FAAH2: variants seen among roughly 807,000 people sequenced by gnomAD.
FAAH2 encodes the protein fatty-acid amide hydrolase 2.
In FAAH2, 60 loss-of-function variants were observed where a neutral mutation model predicts 36.9. The ratio of observed to expected loss-of-function variants is 1.63; its 90% CI spans 1.32 to 2.02. The LOEUF is 2.02. FAAH2 is among the 30% of genes most tolerant of loss of function. FAAH2 has a pLI of 0.00. For missense variants in FAAH2, 689 were observed against 397.5 expected (o/e 1.73, Z -6.23); for synonymous variants, 214 against 143.8 (o/e 1.49, Z -3.49).
chrX:57,415,667 A>G (rs1315684338), intron 7 of FAAH2, among the ~76,000 whole-genome samples: 1 of 111,400 alleles, frequency 9.0e-6, no homozygotes, highest in Non-Finnish European at 1.9e-5. Context: ...TTTTAGAATA[A>G]GTGTCCTGTG....
chrX:57,440,366 G>A (rs1209193739), intron 8 of FAAH2, among the ~76,000 whole-genome samples: 1 of 111,077 alleles, frequency 9.0e-6, no homozygotes, highest in Non-Finnish European at 1.9e-5. Flanking sequence ...TGAAACAATT[G>A]TAAATGGGAA....
intron 7 of FAAH2, chrX:57,381,471 G>A: frequency 1.9e-6 from 1 of 534,171 alleles, no homozygotes; most frequent in Non-Finnish European, 2.3e-6. Flanking sequence ...ATTTGGGAAA[G>A]AAGAATAATA....
At chrX:57,290,434 C>G in intron 1 of FAAH2, 1 of 231,413 alleles carries the variant, frequency 4.3e-6, no homozygotes, top group East Asian at 2.4e-4. Context: ...CTACTAGACG[C>G]ATAATTCTAA....
At chrX:57,487,789 C>T (rs1413956561) in intron 10 of FAAH2, among the ~76,000 whole-genome samples, 1 of 111,544 alleles carries the variant, frequency 9.0e-6, no homozygotes, top group Non-Finnish European at 1.9e-5. Flanking sequence ...TATATATGCT[C>T]AAGAAATGAA....
At chrX:57,207,290 T>A in the FAAH2 span, among the ~76,000 whole-genome samples, 4 of 111,392 alleles carry the variant, frequency 3.6e-5, no homozygotes, top group Non-Finnish European at 5.6e-5. Flanking sequence ...AGGTTGTCCA[T>A]CAGGCCCTTC....
rs187533465 is a variant in FAAH2 at position 57,396,067 on chromosome X, T to G, written c.996+15038T>G. On this transcript the variant is annotated intron_variant, in intron 7 of 10. Transcript: ENST00000374900. ...TTTCCATTTCTTTCTGGTTCAATCTTGGGAGGTTGTATGTGTCCAGGAAGT... is the reference window on the plus strand; with the variant it reads ...TTTCCATTTCTTTCTGGTTCAATCTGGGGAGGTTGTATGTGTCCAGGAAGT... Among the ~76,000 whole-genome samples, 19 of 111,945 alleles carry G rather than the reference T, an allele frequency of 1.7e-4. 1 individual carries two copies. Among genetic ancestry groups the G allele is most frequent in the African/African-American group, 6.1e-4 (19 of 30,899 alleles).
In FAAH2 at chrX:57,367,853, C is replaced by T. The variant is rs769601516; in HGVS notation, c.743-10798C>T. Reference sequence around the variant, plus strand: ...TGCTGAGCCAAGTTTGGAAAGCTGCCAGGATTTCACACAGCTGCATTGTTA... The same window carrying T: ...TGCTGAGCCAAGTTTGGAAAGCTGCTAGGATTTCACACAGCTGCATTGTTA... On this transcript the variant is annotated intron_variant, in intron 5 of 10. Transcript: ENST00000374900. Among the ~76,000 whole-genome samples the T allele has an allele frequency of 2.7e-5, 3 of 111,847 alleles. No homozygotes were observed. In the South Asian group the frequency reaches 1.1e-3, roughly 42 times the overall value.
At chrX:57,149,216 C>A in the FAAH2 span, among the ~76,000 whole-genome samples, 6 of 110,394 alleles carry the variant, frequency 5.4e-5, no homozygotes, top group Non-Finnish European at 7.6e-5. Flanking sequence ...GTCTACAATT[C>A]TCTTTTTTGG....
At chrX:57,483,573 C>A (rs1175559215) in intron 10 of FAAH2, among the ~76,000 whole-genome samples, 1 of 110,348 alleles carries the variant, frequency 9.1e-6, no homozygotes, top group Non-Finnish European at 1.9e-5. Flanking sequence ...GTTGATATCA[C>A]AACATTCAGC....
chrX:57,483,968 G>A (rs745595006), intron 10 of FAAH2, among the ~76,000 whole-genome samples: 1 of 109,089 alleles, frequency 9.2e-6, no homozygotes, highest in Non-Finnish European at 1.9e-5. Context: ...ACCACACCCA[G>A]CTAATTTTGT....
intron 7 of FAAH2, among the ~76,000 whole-genome samples, chrX:57,387,959 A>G (rs2055068544): frequency 1.8e-5 from 2 of 110,921 alleles, no homozygotes; most frequent in South Asian, 7.6e-4. Context: ...CACCATTCCC[A>G]AGCTATTGTC....
At chrX:57,322,323 G>C (rs1246897160) in intron 3 of FAAH2, among the ~76,000 whole-genome samples, 1 of 111,606 alleles carries the variant, frequency 9.0e-6, no homozygotes, top group Non-Finnish European at 1.9e-5. Context: ...ATTTGATGTA[G>C]GTCCCCGATC....
At chrX:57,193,758 T>A in the FAAH2 span, among the ~76,000 whole-genome samples, 1 of 112,167 alleles carries the variant, frequency 8.9e-6, no homozygotes, top group Admixed American at 9.4e-5. Context: ...TTTTATCAAA[T>A]ATCTTTTCAG....
At chrX:57,371,637 T>TG (rs202021824) in intron 5 of FAAH2, among the ~76,000 whole-genome samples, 40,510 of 89,513 alleles carry the variant, frequency 0.45, 10,986 homozygotes, top group Non-Finnish European at 0.67. Context: ...TTCTATTTTT[T>TG]GGGGGGGGGG....
chrX:57,311,769 C>T (rs1027214715), intron 3 of FAAH2, among the ~76,000 whole-genome samples: 2 of 112,106 alleles, frequency 1.8e-5, no homozygotes, highest in Non-Finnish European at 3.8e-5. Context: ...AGCCCAACCT[C>T]AGTGTATTGA....
chrX:57,270,662 G>A, the FAAH2 span, among the ~76,000 whole-genome samples: 1 of 111,844 alleles, frequency 8.9e-6, no homozygotes, highest in Admixed American at 9.5e-5. Flanking sequence ...TGGTTGCACA[G>A]TGGGTGCAGC....
At chrX:57,369,849 G>C (rs2054508374) in intron 5 of FAAH2, among the ~76,000 whole-genome samples, 1 of 111,884 alleles carries the variant, frequency 8.9e-6, no homozygotes, top group East Asian at 2.8e-4. Context: ...CTCTATGAAG[G>C]TTAAAATCAC....
chrX:57,332,258 A>C (rs780395409), intron 4 of FAAH2, among the ~76,000 whole-genome samples: 1 of 112,304 alleles, frequency 8.9e-6, no homozygotes, highest in African/African-American at 3.2e-5. Flanking sequence ...GGTGCTCATT[A>C]AGTCAGTTTT....
At chrX:57,242,149 G>A in the FAAH2 span, among the ~76,000 whole-genome samples, 1 of 112,455 alleles carries the variant, frequency 8.9e-6, no homozygotes, top group African/African-American at 3.2e-5. Context: ...TGACCCCCGT[G>A]CCTCCCGACT....
Sources: allele counts gnomAD v4.1 joint callset (sites outside exome capture counted in the v4.1 genomes callset), GRCh38; gene constraint gnomAD v4.1.1; transcripts MANE v1.5; gene names NCBI Gene and HGNC (gene_info 2026-07-23, HGNC 2026-07-21).